Variants in GALNT4 observed in about 807,000 individuals in gnomAD.
GALNT4 encodes polypeptide N-acetylgalactosaminyltransferase 4.
In GALNT4, 23 loss-of-function variants were observed where a neutral mutation model predicts 45.1. The observed-to-expected ratio is 0.51, with a 90% CI of 0.37 to 0.72. The LOEUF is 0.72. GALNT4 is among the 30% of genes least tolerant of loss of function. The pLI is 0.00. For synonymous variants in GALNT4, 264 were observed against 257.6 expected, an observed-to-expected ratio of 1.02 and a Z score of -0.24; for missense variants, 757 against 709.0, an observed-to-expected ratio of 1.07 and a Z score of -0.77.
At position 89,520,925 on chromosome 12, in the gene GALNT4, C is replaced by G. The variant is rs946847195; in HGVS notation, c.*1888G>C. 6.6e-6 allele frequency: 1 copy of G among 151,994 alleles called. No individual in the cohort carries two copies. The highest frequency in any genetic ancestry group is 1.5e-5 in the Non-Finnish European group (1 of 68,004). 9.4% of individuals were successfully genotyped at this position (151,994 alleles called of 1,614,324 possible). ...ACTTTTAAAAAAAGCGTTTACTTCC[C>G]GAGTAATTTAGTTTGGAAATATTTA... On this transcript the variant is annotated 3_prime_UTR_variant, in exon 1 of 1. Transcript: ENST00000529983.
chr12:89,523,216 TGCCA>T lies in GALNT4; in HGVS notation c.1330_1333del (p.Trp444MetfsTer14). The T allele has an allele frequency of 6.2e-7, 1 of 1,614,050 alleles. No homozygotes were observed. Among genetic ancestry groups the T allele is most frequent in the Non-Finnish European group, 8.5e-7 (1 of 1,179,894 alleles). ...GATCCCTCTACTGCGAATAGCCCCA[TGCCA>T]GCCTGGTCTATCCTCTGGAACATGT... On this transcript the variant is annotated frameshift_variant, in exon 1 of 1. Coordinates refer to ENST00000529983, the MANE Select transcript of GALNT4 (RefSeq NM_003774.5). LOFTEE classifies it high-confidence loss of function.
At position 89,521,937 on chromosome 12, in the gene GALNT4, G is replaced by A. The variant is rs951635082; in HGVS notation, c.*876C>T. 1 of 398,722 alleles carries A rather than the reference G, an allele frequency of 2.5e-6. No individual in the cohort carries two copies. The highest frequency in any genetic ancestry group is 4.4e-6 in the Non-Finnish European group (1 of 226,038). The allele number at this position is 398,722 out of a possible 1,614,324, so 24.7% of individuals were successfully genotyped here. On this transcript the variant is annotated 3_prime_UTR_variant, in exon 1 of 1. Coordinates refer to ENST00000529983, the MANE Select transcript of GALNT4 (RefSeq NM_003774.5). ...ACATAGTTGGGTTTAACTTCAGAGA[G>A]GCTTCAATTGTGTTTACTTTAAATG...
In GALNT4 at chr12:89,523,417, T is replaced by C. The variant is rs769388535; in HGVS notation, c.1133A>G (p.Asn378Ser). The C allele has an allele frequency of 6.2e-7, 1 of 1,614,030 alleles. No individual in the cohort carries two copies. Residue 378 changes from asparagine (N) to serine (S), a missense_variant, in exon 1 of 1, where the codon AAT becomes AGT. Coordinates refer to ENST00000529983, the MANE Select transcript of GALNT4 (RefSeq NM_003774.5). The stretch of plus-strand genomic sequence containing the variant: ...CCAAACTTCTGCTGCCCGAGCAGTA[T>C]TCTGTAGGAAATTGGGGCGAGCATA... The part of the protein sequence containing the change: ...APYARPNFLQ[N>S]TARAAEVWMD...
rs1870895964 is a variant in GALNT4 at position 89,521,741 on chromosome 12, T to C, written c.*1072A>G. ...ACCCACTTACTGAAAGCTGCCTAAG[T>C]GCCAGGCTCGGTGCTAGGAGATTGA... On this transcript the variant is annotated 3_prime_UTR_variant, in exon 1 of 1. Transcript: ENST00000529983. 1 of 332,524 alleles carries C rather than the reference T, an allele frequency of 3.0e-6. No homozygotes were observed. The allele number at this position is 332,524 out of a possible 1,614,324, so 20.6% of individuals were successfully genotyped here. A position where few individuals can be genotyped will look rare whatever the true frequency, so the allele number is the denominator to read the frequency against.
chr12:89,523,202 T>C lies in GALNT4; in HGVS notation c.1348A>G (p.Ser450Gly), dbSNP rs372140542. The C allele has an allele frequency of 1.2e-4, 196 of 1,613,884 alleles. No homozygotes were observed. The highest frequency in any genetic ancestry group is 1.6e-4 in the Non-Finnish European group (188 of 1,179,876). ...DRPGWHGAIR[S>G]RGISSECLDY... ...AAACATTCAGACGAGATCCCTCTAC[T>C]GCGAATAGCCCCATGCCAGCCTGGT... Residue 450 changes from serine (S) to glycine (G), a missense_variant, in exon 1 of 1, where the codon AGT becomes GGT. Transcript: ENST00000529983.
rs1469248141 is a variant in GALNT4, at chr12:89,521,962, G to T, written c.*851C>A. ...GGCTTCAATTGTGTTTACTTTAAAT[G>T]ATTAAGCATTAACAAAGGGAGGCAT... On this transcript the variant is annotated 3_prime_UTR_variant, in exon 1 of 1. Coordinates refer to ENST00000529983, the MANE Select transcript of GALNT4 (RefSeq NM_003774.5). 7.5e-6 allele frequency: 3 copies of T among 398,770 alleles called. No homozygotes were observed. The highest frequency in any genetic ancestry group is 1.3e-5 in the Non-Finnish European group (3 of 226,048). The allele number at this position is 398,770 out of a possible 1,614,324, so 24.7% of individuals were successfully genotyped here.
Position 89,524,253 on chromosome 12 carries a change from T to G in GALNT4, c.297A>C (p.Arg99Ser), listed in dbSNP as rs1403097768. Residue 99 changes from arginine (R) to serine (S), a missense_variant, in exon 1 of 1, where the codon AGA becomes AGC. Physicochemically the swap from Arg to Ser is moderately radical, Grantham distance 110. Transcript: ENST00000529983. ...ELKQQEELIE[R>S]YAINIYLSDR... ...CACTGAGGTAAATATTGATGGCGTA[T>G]CTCTCAATGAGTTCTTCTTGCTGCT... 6.2e-7 allele frequency: 1 copy of G among 1,613,896 alleles called. No individual in the cohort carries two copies. Among genetic ancestry groups the G allele is most frequent in the Non-Finnish European group, 8.5e-7 (1 of 1,179,900 alleles).
chr12:89,522,338 C>T lies in GALNT4; in HGVS notation c.*475G>A, dbSNP rs1356194678. 2 of 395,786 alleles carry T rather than the reference C, an allele frequency of 5.1e-6. No homozygotes were observed. The highest frequency in any genetic ancestry group is 8.9e-6 in the Non-Finnish European group (2 of 224,974). 24.5% of individuals were successfully genotyped at this position (395,786 alleles called of 1,614,324 possible). A position where few individuals can be genotyped will look rare whatever the true frequency, so the allele number is the denominator to read the frequency against. On this transcript the variant is annotated 3_prime_UTR_variant, in exon 1 of 1. Transcript: ENST00000529983. ...AAAAAATTAGATTAAAAAATAAAAT[C>T]TAAAATTTAATGTGCTGGCTAAAAA...
In GALNT4 at chr12:89,522,577, G is replaced by A; in HGVS notation, c.*236C>T. The A allele has an allele frequency of 2.5e-6, 1 of 403,152 alleles. No homozygotes were observed. The highest frequency in any genetic ancestry group is 4.3e-6 in the Non-Finnish European group (1 of 233,784). The allele number at this position is 403,152 out of a possible 1,614,324, so 25.0% of individuals were successfully genotyped here. On this transcript the variant is annotated 3_prime_UTR_variant, in exon 1 of 1. Transcript: ENST00000529983. ...ACTTCTTTTAAGAAGAGACCATATTGACAAAACTCTTATATAAAACAACCA... is the reference window on the plus strand; with the variant it reads ...ACTTCTTTTAAGAAGAGACCATATTAACAAAACTCTTATATAAAACAACCA...
In GALNT4 at chr12:89,522,006, C is replaced by T. The variant is rs1235589996; in HGVS notation, c.*807G>A. The stretch of plus-strand genomic sequence containing the variant: ...GAGGCATAGTATTCTGGATGAGTCC[C>T]TTTCTAGTACATTCATAACTTAAGG... On this transcript the variant is annotated 3_prime_UTR_variant, in exon 1 of 1. Coordinates refer to ENST00000529983, the MANE Select transcript of GALNT4 (RefSeq NM_003774.5). The T allele has an allele frequency of 1.8e-5, 7 of 398,820 alleles. No homozygotes were observed. Among genetic ancestry groups the T allele is most frequent in the Non-Finnish European group, 4.4e-6 (1 of 226,054 alleles). The allele number at this position is 398,820 out of a possible 1,614,324, so 24.7% of individuals were successfully genotyped here.
In GALNT4 at chr12:89,524,212, T is replaced by G. The variant is rs111836381; in HGVS notation, c.338A>C (p.His113Pro). 5.6e-6 allele frequency: 9 copies of G among 1,614,036 alleles called. No homozygotes were observed. The South Asian group carries it at 8.8e-5, about 16-fold the overall frequency. ...CATTCTTTTATCCTCTATGTGTCGATGCAGGGAAATCCTGTCACTGAGGTA... is the reference window on the plus strand; with the variant it reads ...CATTCTTTTATCCTCTATGTGTCGAGGCAGGGAAATCCTGTCACTGAGGTA... ...NIYLSDRISLHRHIEDKRMYE... is the reference protein window; with the variant it reads ...NIYLSDRISLPRHIEDKRMYE... The change falls in exon 1 of 1, where the codon CAT (histidine) becomes CCT (proline). Residue 113 changes from histidine (H) to proline (P), a missense_variant. Transcript: ENST00000529983.
Position 89,524,121 on chromosome 12 carries a change from G to C in GALNT4, c.429C>G (p.Phe143Leu). The change falls in exon 1 of 1, where the codon TTC (phenylalanine) becomes TTG (leucine). Residue 143 changes from phenylalanine to leucine, a missense_variant. Physicochemically the swap from Phe to Leu is conservative, Grantham distance 22. Transcript: ENST00000529983. ...GCAAAGTCGACCAGGCTTCGTTATA[G>C]AAAGCAATGATAACAGAGGTGGTAG... ...TLPTTSVIIA[F>L]YNEAWSTLLR... 1 of 1,614,012 alleles carries C rather than the reference G, an allele frequency of 6.2e-7. No homozygotes were observed. The highest frequency in any genetic ancestry group is 8.5e-7 in the Non-Finnish European group (1 of 1,179,894).
Position 89,523,799 on chromosome 12 carries a change from C to T in GALNT4, c.751G>A (p.Val251Ile). The T allele has an allele frequency of 6.5e-7, 1 of 1,535,200 alleles. No homozygotes were observed. The highest frequency in any genetic ancestry group is 8.7e-7 in the Non-Finnish European group (1 of 1,146,354). Residue 251 changes from valine to isoleucine, a missense_variant, in exon 1 of 1, where the codon GTT becomes ATT. By Grantham distance (29) the Val-to-Ile change is conservative. Coordinates refer to ENST00000529983, the MANE Select transcript of GALNT4 (RefSeq NM_003774.5). Reference sequence around the variant, plus strand: ...ATTGTGTCTATAACAGGACACACAACTGCTGTTTCATCTCTCCCAATCCTT... The same window carrying T: ...ATTGTGTCTATAACAGGACACACAATTGCTGTTTCATCTCTCCCAATCCTT... ...LERIGRDETA[V>I]VCPVIDTIDW...
rs768237762 is a variant in GALNT4 at position 89,524,364 on chromosome 12, C to A, written c.186G>T (p.Pro62=). Residue 62 remains proline (P), a synonymous_variant, in exon 1 of 1, where the codon CCG becomes CCT. Transcript: ENST00000529983. The stretch of plus-strand genomic sequence containing the variant: ...AATCTGCAGGGGGCTTCTTATAAAG[C>A]GGTCGAGACAAATCCTCCGTATTTT... ...LQKNTEDLSR[P]LYKKPPADSR... 1 of 1,614,008 alleles carries A rather than the reference C, an allele frequency of 6.2e-7. No homozygotes were observed. Among genetic ancestry groups the A allele is most frequent in the Non-Finnish European group, 8.5e-7 (1 of 1,179,896 alleles).
chr12:89,524,602 G>T lies in GALNT4; in HGVS notation c.-53C>A. 1 of 1,585,280 alleles carries T rather than the reference G, an allele frequency of 6.3e-7. No individual in the cohort carries two copies. The highest frequency in any genetic ancestry group is 8.6e-7 in the Non-Finnish European group (1 of 1,161,066). ...GCGGCCACCAAGCCACCACGCAGGG[G>T]AAGGGCGGCGGAACCCACAGCTCGA... On this transcript the variant is annotated 5_prime_UTR_variant, in exon 1 of 1. Transcript: ENST00000529983.
Position 89,522,898 on chromosome 12 carries a change from T to TAAGC in GALNT4, c.1648_1651dup (p.Tyr551CysfsTer10). 6.2e-7 allele frequency: 1 copy of TAAGC among 1,613,844 alleles called. No individual in the cohort carries two copies. Among genetic ancestry groups the TAAGC allele is most frequent in the Non-Finnish European group, 8.5e-7 (1 of 1,179,844 alleles). On this transcript the variant is annotated frameshift_variant, in exon 1 of 1. Transcript: ENST00000529983. LOFTEE classifies it high-confidence loss of function. Reference sequence around the variant, plus strand: ...ATCAGGTCGGCCCTCCGGTGTCCGATAAGCACTAAGACACAGTCCTGAGTG... The same window carrying TAAGC: ...ATCAGGTCGGCCCTCCGGTGTCCGATAAGCAAGCACTAAGACACAGTCCTGAGTG...
chr12:89,521,853 GGA>G lies in GALNT4; in HGVS notation c.*958_*959del. The G allele has an allele frequency of 2.5e-6, 1 of 397,660 alleles. No individual in the cohort carries two copies. The highest frequency in any genetic ancestry group is 3.6e-5 in the East Asian group (1 of 28,042). The allele number at this position is 397,660 out of a possible 1,614,324, so 24.6% of individuals were successfully genotyped here. On this transcript the variant is annotated 3_prime_UTR_variant, in exon 1 of 1. Transcript: ENST00000529983. ...AATTTCCTGATCAGCAGAACTCGTA[GGA>G]GAGTTCCACAGCCTTGGTAGAACCT...
rs1290940278 is a variant in GALNT4 at position 89,523,887 on chromosome 12, G to A, written c.663C>T (p.Asp221=). 3.2e-6 allele frequency: 5 copies of A among 1,578,546 alleles called. No homozygotes were observed. The highest frequency in any genetic ancestry group is 4.3e-6 in the Non-Finnish European group (5 of 1,166,218). The stretch of plus-strand genomic sequence containing the variant: ...AGTGACAATCCAGGAAAGTGAGGAC[G>A]TCCCCAGTGGCGAAAGTGGCCCCAA... ...RLIGATFATG[D]VLTFLDCHCE... Residue 221 remains aspartate (D), a synonymous_variant, in exon 1 of 1, where the codon GAC becomes GAT. Transcript: ENST00000529983.
Position 89,523,772 on chromosome 12 carries a change from C to G in GALNT4, c.778G>C (p.Asp260His). Residue 260 changes from aspartate (D) to histidine (H), a missense_variant, in exon 1 of 1, where the codon GAT becomes CAT. Physicochemically the swap from Asp to His is moderately conservative, Grantham distance 81. Coordinates refer to ENST00000529983, the MANE Select transcript of GALNT4 (RefSeq NM_003774.5). The part of the protein sequence containing the change: ...AVVCPVIDTI[D>H]WNTFEFYMQI... ...ATATAGAATTCAAAAGTATTCCAAT[C>G]AATTGTGTCTATAACAGGACACACA... 1 of 1,538,896 alleles carries G rather than the reference C, an allele frequency of 6.5e-7. No individual in the cohort carries two copies. The highest frequency in any genetic ancestry group is 8.7e-7 in the Non-Finnish European group (1 of 1,149,260).
Sources: gnomAD v4.1 joint callset for allele counts on GRCh38, gnomAD v4.1.1 for gene constraint, MANE v1.5 for transcripts, NCBI Gene and HGNC (gene_info 2026-07-23, HGNC 2026-07-21) for gene names.